Variants in PTPRT observed in about 807,000 individuals in gnomAD.
PTPRT encodes the protein protein tyrosine phosphatase receptor type T, also known as receptor-type tyrosine-protein phosphatase T.
Under a neutral mutation model 176.8 loss-of-function variants are expected in PTPRT, and 56 were observed. The observed-to-expected ratio is 0.32, with a 90% CI of 0.26 to 0.40. The LOEUF is 0.40. Among genes scored for constraint, PTPRT ranks in the 10% least tolerant of loss-of-function variants. PTPRT has a pLI of 1.00. For synonymous variants in PTPRT, 783 were observed against 739.0 expected, an observed-to-expected ratio of 1.06 and a Z score of -0.96; for missense variants, 1,540 against 1,908.2, an observed-to-expected ratio of 0.81 and a Z score of 3.60.
chr20:42,176,476 A>T (rs893080056), intron 16 of PTPRT, among the ~76,000 whole-genome samples: 3 of 152,184 alleles, frequency 2.0e-5, no homozygotes, highest in Non-Finnish European at 2.9e-5. Context: ...ACTGGACATG[A>T]TTTGGAGTTT....
At chr20:42,792,630 TAGA>T (rs2077394059) in intron 2 of PTPRT, among the ~76,000 whole-genome samples, 1 of 152,238 alleles carries the variant, frequency 6.6e-6, no homozygotes, top group Non-Finnish European at 1.5e-5. Context: ...CAGTTGATTC[TAGA>T]AGGACAGTTT....
At chr20:42,621,154 T>C (rs1235253727) in intron 7 of PTPRT, among the ~76,000 whole-genome samples, 1 of 152,098 alleles carries the variant, frequency 6.6e-6, no homozygotes, top group African/African-American at 2.4e-5. Context: ...ATCACCTGCC[T>C]CCTTTCTTTC....
At chr20:42,852,161 T>C (rs1376777231) in intron 2 of PTPRT, among the ~76,000 whole-genome samples, 1 of 152,212 alleles carries the variant, frequency 6.6e-6, no homozygotes, top group African/African-American at 2.4e-5. Flanking sequence ...ATGCATTTCA[T>C]CTTCTATCCA....
At position 42,290,643 on chromosome 20, in the gene PTPRT, T is replaced by TTTTA. The variant is rs896764441; in HGVS notation, c.2140-8122_2140-8119dup. Among the ~76,000 whole-genome samples the TTTTA allele has an allele frequency of 3.5e-3, 536 of 152,082 alleles. 1 individual carries two copies. Among genetic ancestry groups the TTTTA allele is most frequent in the African/African-American group, 0.01 (431 of 41,506 alleles). ...CTAATACCTCATTTCATGCAAATAA[T>TTTTA]TTTATTTATTTATTTATTTATTTAT... On this transcript the variant is annotated intron_variant, in intron 12 of 30. Transcript: ENST00000373187.
At chr20:42,344,307 T>G (rs6102787) in intron 11 of PTPRT, among the ~76,000 whole-genome samples, 5,194 of 152,298 alleles carry the variant, frequency 0.034, 258 homozygotes, top group African/African-American at 0.12. Flanking sequence ...ACAAGCAACT[T>G]ACGGTTCAGA....
chr20:42,577,893 CAA>C (rs1168895264), intron 7 of PTPRT, among the ~76,000 whole-genome samples: 2 of 135,030 alleles, frequency 1.5e-5, no homozygotes, highest in Non-Finnish European at 3.1e-5. Context: ...TCTAACCAAA[CAA>C]GAGAAAAACC....
chr20:42,196,214 C>A (rs754148524), intron 16 of PTPRT, among the ~76,000 whole-genome samples: 1 of 152,142 alleles, frequency 6.6e-6, no homozygotes, highest in Non-Finnish European at 1.5e-5. Context: ...TATTACTTGA[C>A]CAGTATTTTC....
chr20:42,583,200 A>G (rs1012334860), intron 7 of PTPRT, among the ~76,000 whole-genome samples: 4 of 152,228 alleles, frequency 2.6e-5, no homozygotes, highest in South Asian at 4.1e-4. Context: ...ACAGAAATAC[A>G]TTCTTAGAGA....
chr20:42,857,461 T>C (rs1377756585), intron 2 of PTPRT, among the ~76,000 whole-genome samples: 1 of 152,208 alleles, frequency 6.6e-6, no homozygotes, highest in East Asian at 1.9e-4. Flanking sequence ...CTCTCTTGTC[T>C]ATTCTTTTAA....
At chr20:43,141,883 T>C (rs2014020721) in intron 1 of PTPRT, among the ~76,000 whole-genome samples, 2 of 152,160 alleles carry the variant, frequency 1.3e-5, no homozygotes, top group African/African-American at 2.4e-5. Context: ...CACAGAACCA[T>C]TCCAAGCCAT....
chr20:42,717,886 T>C (rs902823771), intron 6 of PTPRT, among the ~76,000 whole-genome samples: 2 of 152,140 alleles, frequency 1.3e-5, no homozygotes, highest in African/African-American at 2.4e-5. Context: ...TGTGTGTGTG[T>C]GCATGCGCGT....
At chr20:43,019,645 G>A (rs1379153658) in intron 1 of PTPRT, among the ~76,000 whole-genome samples, 1 of 150,088 alleles carries the variant, frequency 6.7e-6, no homozygotes, top group Non-Finnish European at 1.5e-5. Flanking sequence ...AAGAATAATT[G>A]GACTGCCCCA....
At chr20:42,697,705 G>GA (rs2075903888) in intron 6 of PTPRT, among the ~76,000 whole-genome samples, 1 of 152,136 alleles carries the variant, frequency 6.6e-6, no homozygotes, top group Admixed American at 6.5e-5. Flanking sequence ...AGGAAAAATG[G>GA]AAAAAACTCG....
In PTPRT at chr20:42,745,396, C is replaced by T. The variant is rs2076677436; in HGVS notation, c.859+11066G>A. ...GACTGGCCTTTGGAGCTGGGTCATTCTTTGTTGTCAGGGGGCCATGCTGTG... is the reference window on the plus strand; with the variant it reads ...GACTGGCCTTTGGAGCTGGGTCATTTTTTGTTGTCAGGGGGCCATGCTGTG... On this transcript the variant is annotated intron_variant, in intron 6 of 30. Transcript: ENST00000373187. Among the ~76,000 whole-genome samples, 3 of 152,274 alleles carry T rather than the reference C, an allele frequency of 2.0e-5. No homozygotes were observed. In the South Asian group the frequency reaches 6.2e-4, roughly 32 times the overall value.
chr20:42,270,186 G>A (rs1568725884), intron 13 of PTPRT, among the ~76,000 whole-genome samples: 1 of 151,174 alleles, frequency 6.6e-6, no homozygotes. Context: ...TAGAAGGAAT[G>A]AATAGGTGAG....
At chr20:42,704,901 A>G (rs2017914) in intron 6 of PTPRT, among the ~76,000 whole-genome samples, 61,456 of 151,922 alleles carry the variant, frequency 0.4, 13,595 homozygotes, top group African/African-American at 0.58. Flanking sequence ...TATTCCAAAT[A>G]AGCATCAAAA....
intron 3 of PTPRT, among the ~76,000 whole-genome samples, chr20:42,784,670 G>C (rs1691175563): frequency 6.6e-6 from 1 of 152,130 alleles, no homozygotes; most frequent in African/African-American, 2.4e-5. Context: ...AAGGGACTGA[G>C]TTTAAAGTCC....
intron 12 of PTPRT, among the ~76,000 whole-genome samples, chr20:42,301,972 G>A (rs2057475591): frequency 6.6e-6 from 1 of 152,182 alleles, no homozygotes; most frequent in African/African-American, 2.4e-5. Context: ...AGCTAACAAC[G>A]TGTGTTTTAA....
At chr20:42,972,135 T>C (rs1600608967) in intron 1 of PTPRT, among the ~76,000 whole-genome samples, 1 of 145,058 alleles carries the variant, frequency 6.9e-6, no homozygotes, top group Admixed American at 6.7e-5. Context: ...GGAATCATCA[T>C]GGAATGCCAT....
Sources: gnomAD v4.1 joint callset for allele counts (sites outside exome capture counted in the v4.1 genomes callset) on GRCh38, gnomAD v4.1.1 for gene constraint, MANE v1.5 for transcripts, NCBI Gene and HGNC (gene_info 2026-07-23, HGNC 2026-07-21) for gene names.